The following STK32B variants were observed in gnomAD, a reference collection of about 807,000 sequenced individuals.
STK32B encodes the protein serine/threonine kinase 32B.
Under a neutral mutation model 52.6 loss-of-function variants are expected in STK32B, and 43 were observed. The ratio of observed to expected loss-of-function variants is 0.82; its 90% CI spans 0.64 to 1.05. The LOEUF (loss-of-function observed/expected upper bound fraction) is 1.05. STK32B is among the 50% of genes least tolerant of loss of function. The pLI is 0.00. For synonymous variants in STK32B, 238 were observed against 204.3 expected, an observed-to-expected ratio of 1.17 and a Z score of -1.41; for missense variants, 621 against 534.6, an observed-to-expected ratio of 1.16 and a Z score of -1.59.
intron 6 of STK32B, among the ~76,000 whole-genome samples, chr4:5,445,330 A>C (rs1246081874): frequency 6.6e-6 from 1 of 152,150 alleles, no homozygotes. Context: ...CTAGAAACTG[A>C]GTTGAGACAG....
chr4:5,250,012 G>GT (rs138686240), intron 3 of STK32B, among the ~76,000 whole-genome samples: 9,234 of 152,104 alleles, frequency 0.061, 423 homozygotes, highest in African/African-American at 0.13. Context: ...GCAGTATTTG[G>GT]TTTTCTGTTC....
chr4:5,438,311 T>A (rs946174707), intron 6 of STK32B, among the ~76,000 whole-genome samples: 1 of 152,156 alleles, frequency 6.6e-6, no homozygotes, highest in Non-Finnish European at 1.5e-5. Flanking sequence ...ATAGCACAGA[T>A]CAGTGCCCAG....
At chr4:5,143,791 CCTTA>C (rs1390020940) in intron 2 of STK32B, among the ~76,000 whole-genome samples, 6 of 74,660 alleles carry the variant, frequency 8.0e-5, no homozygotes, top group East Asian at 3.4e-4. Context: ...CAAAGCTTCC[CCTTA>C]CTTCTGTCCC....
At chr4:5,143,325 G>A (rs1297456622) in intron 2 of STK32B, among the ~76,000 whole-genome samples, 1 of 152,154 alleles carries the variant, frequency 6.6e-6, no homozygotes, top group Non-Finnish European at 1.5e-5. Context: ...GTTTACTCTT[G>A]TCTCCTTGGT....
intron 1 of STK32B, among the ~76,000 whole-genome samples, chr4:5,128,203 C>T (rs1175706794): frequency 6.6e-6 from 1 of 152,208 alleles, no homozygotes; most frequent in African/African-American, 2.4e-5. Flanking sequence ...GGACTTCTGG[C>T]CTCCAGAACT....
chr4:5,334,212 C>G (rs1469050192), intron 4 of STK32B, among the ~76,000 whole-genome samples: 2 of 151,816 alleles, frequency 1.3e-5, no homozygotes, highest in Admixed American at 1.3e-4. Context: ...AAGTTGGATT[C>G]CTAGGTATTT....
At chr4:5,442,667 T>C (rs2109112753) in intron 6 of STK32B, among the ~76,000 whole-genome samples, 1 of 152,296 alleles carries the variant, frequency 6.6e-6, no homozygotes, top group Non-Finnish European at 1.5e-5. Flanking sequence ...CTGGTTATTT[T>C]GCTCGTTAGT....
In STK32B at chr4:5,386,066, T is replaced by G. The variant is rs980636795; in HGVS notation, c.435-12141T>G. On this transcript the variant is annotated intron_variant, in intron 4 of 11. Coordinates refer to ENST00000282908, the MANE Select transcript of STK32B (RefSeq NM_018401.3). This position sits in a 1 kb window ranked among gnomAD's most constrained non-coding sequence, Gnocchi z 4.5. ...CCACCCACACCCACAGCCCCACCCA[T>G]AGCCCCTACCCAGATTTCCCATGCA... Among the ~76,000 whole-genome samples, 1 of 85,946 alleles carries G rather than the reference T, an allele frequency of 1.2e-5. No homozygotes were observed. The highest frequency in any genetic ancestry group is 4.2e-5 in the African/African-American group (1 of 23,546). The allele number at this position is 85,946 out of a possible 152,430, so 56.4% of individuals were successfully genotyped here.
At position 5,493,514 on chromosome 4, in the gene STK32B, C is replaced by G. The variant is rs575019391; in HGVS notation, c.1107-5431C>G. On this transcript the variant is annotated intron_variant, in intron 11 of 11. Coordinates refer to ENST00000282908, the MANE Select transcript of STK32B (RefSeq NM_018401.3). ...CTAGCAGTCTATCAATTTTGTTGATCCTTTCAAAAAACCAGCTCCTGGATT... is the reference window on the plus strand; with the variant it reads ...CTAGCAGTCTATCAATTTTGTTGATGCTTTCAAAAAACCAGCTCCTGGATT... Among the ~76,000 whole-genome samples the G allele has an allele frequency of 3.9e-5, 6 of 152,172 alleles. No individual in the cohort carries two copies. The East Asian group carries it at 9.6e-4, about 24-fold the overall frequency.
chr4:5,209,426 G>A (rs908516279), intron 3 of STK32B, among the ~76,000 whole-genome samples: 7 of 152,130 alleles, frequency 4.6e-5, no homozygotes, highest in Non-Finnish European at 1.0e-4. Flanking sequence ...GTGTTGCTAT[G>A]TTGCCCAAGC....
intron 2 of STK32B, among the ~76,000 whole-genome samples, chr4:5,164,485 A>C (rs1348704550): frequency 1.3e-5 from 2 of 152,208 alleles, no homozygotes; most frequent in Admixed American, 1.3e-4. Flanking sequence ...AAATAAGAGC[A>C]CTGTCTTAGT....
At chr4:5,496,818 AAC>A (rs1426262358) in intron 11 of STK32B, among the ~76,000 whole-genome samples, 3 of 152,078 alleles carry the variant, frequency 2.0e-5, no homozygotes, top group African/African-American at 7.2e-5. Flanking sequence ...AAAAAAAAAA[AAC>A]AGCATGAAGA....
the STK32B span, among the ~76,000 whole-genome samples, chr4:5,040,667 C>T: frequency 1.3e-5 from 2 of 152,176 alleles, no homozygotes; most frequent in Admixed American, 6.5e-5. Context: ...GCTGGGATTA[C>T]AGGTGCCACT....
intron 3 of STK32B, among the ~76,000 whole-genome samples, chr4:5,295,538 T>C (rs1472037121): frequency 1.3e-5 from 2 of 152,188 alleles, no homozygotes; most frequent in East Asian, 1.9e-4. Flanking sequence ...CCGTTTCTTC[T>C]AGATTTTCTA....
At chr4:5,214,262 A>C (rs957513779) in intron 3 of STK32B, 1 of 152,230 alleles carries the variant, frequency 6.6e-6, no homozygotes, top group Admixed American at 6.6e-5. Flanking sequence ...GCCATGTGTA[A>C]ATGCGTTTAC....
At chr4:5,346,011 G>A (rs889199812) in intron 4 of STK32B, among the ~76,000 whole-genome samples, 7 of 152,126 alleles carry the variant, frequency 4.6e-5, no homozygotes, top group Non-Finnish European at 8.8e-5. Context: ...TTCCTATATT[G>A]AAATGCTTGT....
At chr4:5,050,080 C>T (rs890840025), upstream of STK32B, among the ~76,000 whole-genome samples, 7 of 152,288 alleles carry the variant, frequency 4.6e-5, no homozygotes, top group Non-Finnish European at 1.0e-4. Context: ...GTCCACATTC[C>T]GCCCTATGCT....
At chr4:5,204,432 TTTTG>T (rs1439163758) in intron 3 of STK32B, among the ~76,000 whole-genome samples, 2 of 150,974 alleles carry the variant, frequency 1.3e-5, no homozygotes, top group African/African-American at 2.5e-5. Context: ...TTTAGGTTTT[TTTTG>T]TTTGTTTTTG....
chr4:5,221,631 C>A (rs1396831729), intron 3 of STK32B, among the ~76,000 whole-genome samples: 4 of 151,922 alleles, frequency 2.6e-5, no homozygotes, highest in Non-Finnish European at 5.9e-5. Context: ...TAGTGTGTGC[C>A]CTCAAAAATT....
Sources: gnomAD v4.1 joint callset for allele counts (sites outside exome capture counted in the v4.1 genomes callset) on GRCh38, gnomAD v4.1.1 for gene constraint, Gnocchi (gnomAD v3.1) non-coding constraint, MANE v1.5 for transcripts, NCBI Gene and HGNC (gene_info 2026-07-23, HGNC 2026-07-21) for gene names.